FERMT1: variants seen among roughly 807,000 people sequenced by gnomAD.
FERMT1 encodes the protein FERM domain containing kindlin 1.
Under a neutral mutation model 85.3 loss-of-function variants are expected in FERMT1, and 60 were observed. The ratio of observed to expected loss-of-function variants is 0.70; its 90% confidence interval spans 0.57 to 0.87. The LOEUF (loss-of-function observed/expected upper bound fraction) is 0.87, where lower values mean the gene tolerates loss of function less well. Ranked by LOEUF, FERMT1 falls within the 40% of genes least tolerant of loss-of-function variation. The pLI is 0.00. For synonymous variants in FERMT1, 275 were observed against 301.1 expected, an observed-to-expected ratio of 0.91 and a Z score of 0.90; for missense variants, 701 against 818.9, an observed-to-expected ratio of 0.86 and a Z score of 1.76.
intron 6 of FERMT1, among the ~76,000 whole-genome samples, chr20:6,101,286 C>A (rs564885384): frequency 1.3e-5 from 2 of 152,140 alleles, no homozygotes; most frequent in African/African-American, 4.8e-5. Context: ...CAAGCACTTG[C>A]GAGATACTTT....
chr20:6,085,391 C>T, intron 11 of FERMT1, 104 bp from the exon 12 acceptor site: 1 of 973,744 alleles, frequency 1.0e-6, no homozygotes, highest in African/African-American at 1.6e-5. Flanking sequence ...AAAACCATCA[C>T]CTTCCAAGCA....
chr20:6,119,373 A>G, intron 2 of FERMT1, 31 bp downstream of exon 2: 3 of 1,608,638 alleles, frequency 1.9e-6, no homozygotes, highest in Non-Finnish European at 8.5e-7. Flanking sequence ...GGTTTCTAAT[A>G]CAGAGAAACC....
intron 3 of FERMT1, 24 bp downstream of exon 3, chr20:6,115,787 C>T: frequency 6.4e-7 from 1 of 1,555,574 alleles, no homozygotes; most frequent in Middle Eastern, 1.7e-4. Flanking sequence ...CTACAGGGCA[C>T]AGGGGCCTTT....
chr20:6,113,170 G>GT lies in FERMT1; in HGVS notation c.386-548dup, dbSNP rs370917716. On this transcript the variant is annotated intron_variant, in intron 3 of 14. Transcript: ENST00000217289. ...ATGAGATCTGATGGTTTTATAGGGT[G>GT]TTTCCCCGCACAAGCTCTCTCTTTG... Among the ~76,000 whole-genome samples the GT allele has an allele frequency of 3.9e-3, 588 of 152,256 alleles. 2 individuals carry two copies. The highest frequency in any genetic ancestry group is 0.014 in the African/African-American group (572 of 41,544).
intron 9 of FERMT1, among the ~76,000 whole-genome samples, chr20:6,091,422 G>A (rs1246671249): frequency 6.6e-6 from 1 of 151,582 alleles, no homozygotes; most frequent in East Asian, 2.0e-4. Context: ...TAGAGCTGGG[G>A]TTTCATCATG....
intron 9 of FERMT1, among the ~76,000 whole-genome samples, chr20:6,093,529 AT>A (rs1568657722): frequency 2.0e-5 from 3 of 152,180 alleles, no homozygotes; most frequent in South Asian, 2.1e-4. Flanking sequence ...GTGGCAACTC[AT>A]TTTTTTGTGG....
chr20:6,103,091 G>T (rs1237490439), intron 6 of FERMT1, among the ~76,000 whole-genome samples: 1 of 151,928 alleles, frequency 6.6e-6, no homozygotes, highest in Non-Finnish European at 1.5e-5. Context: ...AGGGGCAAAA[G>T]GTATGTGATA....
In FERMT1 at chr20:6,076,778, C is replaced by T; in HGVS notation, c.*395G>A. The T allele has an allele frequency of 5.9e-6, 2 of 340,576 alleles. No homozygotes were observed. The highest frequency in any genetic ancestry group is 2.6e-5 in the South Asian group (1 of 38,978). 21.1% of individuals were successfully genotyped at this position (340,576 alleles called of 1,614,324 possible). ...GTTTGTGAAATAAGAGTTGTTCTTG[C>T]TACACGTGATTTTTACCTTTCTGTC... On this transcript the variant is annotated 3_prime_UTR_variant, in exon 15 of 15. Transcript: ENST00000217289.
In FERMT1 at chr20:6,085,262, G is replaced by A. The variant is rs777735943; in HGVS notation, c.1397C>T (p.Ala466Val). 1.2e-5 allele frequency: 20 copies of A among 1,613,680 alleles called. No individual in the cohort carries two copies. The highest frequency in any genetic ancestry group is 3.4e-4 in the Middle Eastern group (2 of 5,822). Residue 466 changes from alanine (A) to valine (V), a missense_variant, in exon 12 of 15, where the codon GCT becomes GTT. By Grantham distance (64) the Ala-to-Val change is moderately conservative (BLOSUM62 0). Coordinates refer to ENST00000217289, the MANE Select transcript of FERMT1 (RefSeq NM_017671.5). The stretch of plus-strand genomic sequence containing the variant: ...GCCCTTCGATGCCAACATGCAGGCA[G>A]CCATCCATTGGGCGTATTGATTCTC... ...DHENQYAQWM[A>V]ACMLASKGKT...
chr20:6,091,637 G>T (rs889295568), intron 9 of FERMT1, among the ~76,000 whole-genome samples: 3 of 152,130 alleles, frequency 2.0e-5, no homozygotes, highest in East Asian at 1.9e-4. Flanking sequence ...AGGTAATAAG[G>T]TCTTGGTTTA....
At chr20:6,083,830 T>G (rs1011135192) in intron 13 of FERMT1, among the ~76,000 whole-genome samples, 1 of 152,118 alleles carries the variant, frequency 6.6e-6, no homozygotes, top group African/African-American at 2.4e-5. Flanking sequence ...CTTTCCCACA[T>G]TTAGCTGAGT....
At chr20:6,094,849 G>T in intron 9 of FERMT1, 90 bp downstream of exon 9, 1 of 817,926 alleles carries the variant, frequency 1.2e-6, no homozygotes, top group Non-Finnish European at 2.2e-6. Flanking sequence ...CCATGAACCT[G>T]CCTCAGGGAT....
At chr20:6,096,280 C>A (rs1208747782) in intron 8 of FERMT1, among the ~76,000 whole-genome samples, 11 of 152,122 alleles carry the variant, frequency 7.2e-5, no homozygotes, top group Admixed American at 7.2e-4. Context: ...AATCTCAACA[C>A]TTTGGGATGC....
In FERMT1 at chr20:6,089,057, T is replaced by C; in HGVS notation, c.1172A>G (p.Gln391Arg). The change falls in exon 10 of 15, where the codon CAA (glutamine) becomes CGA (arginine). Residue 391 changes from glutamine to arginine, a missense_variant. Transcript: ENST00000217289. Reference sequence around the variant, plus strand: ...TGTGTCTTTAAAGATAAACCAATATTGTTTGAAAGCTTTTGGTAGTAACTT... The same window carrying C: ...TGTGTCTTTAAAGATAAACCAATATCGTTTGAAAGCTTTTGGTAGTAACTT... ...PKKLLPKAFKQYWFIFKDTSI... is the reference protein window; with the variant it reads ...PKKLLPKAFKRYWFIFKDTSI... 1.2e-6 allele frequency: 2 copies of C among 1,612,514 alleles called. No individual in the cohort carries two copies. The highest frequency in any genetic ancestry group is 1.7e-6 in the Non-Finnish European group (2 of 1,178,764).
chr20:6,093,812 C>A (rs1431583987), intron 9 of FERMT1, among the ~76,000 whole-genome samples: 1 of 152,102 alleles, frequency 6.6e-6, no homozygotes, highest in Non-Finnish European at 1.5e-5. Context: ...AAAATGTAGC[C>A]AGGCGTGATG....
intron 1 of FERMT1, among the ~76,000 whole-genome samples, chr20:6,119,947 A>C (rs569523609): frequency 1.3e-5 from 2 of 152,160 alleles, no homozygotes; most frequent in African/African-American, 4.8e-5. Context: ...TTATCTTTTA[A>C]AGAAATCAAT....
rs1348986753 is a variant in FERMT1, at chr20:6,110,411, CA to C, written c.632del (p.Leu211Ter). 6.2e-7 allele frequency: 1 copy of C among 1,613,986 alleles called. No individual in the cohort carries two copies. The highest frequency in any genetic ancestry group is 1.7e-5 in the Admixed American group (1 of 60,004). On this transcript the variant is annotated frameshift_variant, in exon 5 of 15. Coordinates refer to ENST00000217289, the MANE Select transcript of FERMT1 (RefSeq NM_017671.5). LOFTEE classifies it high-confidence loss of function. The stretch of plus-strand genomic sequence containing the variant: ...CGAGGATGCTGCAGTTTTGTTCCGT[CA>C]AAGGGCTGTCACTGAACCAAGTCAT... ...STMTWFSDSP[L>X]TEQNCSILAF...
Position 6,085,258 on chromosome 20 carries a change from G to A in FERMT1, c.1401C>T (p.Ala467=). 6.2e-7 allele frequency: 1 copy of A among 1,613,894 alleles called. No individual in the cohort carries two copies. Among genetic ancestry groups the A allele is most frequent in the East Asian group, 2.2e-5 (1 of 44,880 alleles). The change falls in exon 12 of 15, where the codon GCC becomes GCT. Residue 467 remains alanine (A), a synonymous_variant. Transcript: ENST00000217289. ...HENQYAQWMA[A]CMLASKGKTM... is the part of the protein sequence containing the mutation. The stretch of plus-strand genomic sequence containing the variant: ...TTTTGCCCTTCGATGCCAACATGCA[G>A]GCAGCCATCCATTGGGCGTATTGAT...
rs114098572 is a variant in FERMT1 at position 6,104,205 on chromosome 20, T to C, written c.849+3327A>G. ...ATTTTTGAAATGTTGAATTCTAGCA[T>C]TTTACGTATCTGAGATTTTAATCAG... On this transcript the variant is annotated intron_variant, in intron 6 of 14. Transcript: ENST00000217289. This position sits in a 1 kb window ranked among gnomAD's most constrained non-coding sequence, Gnocchi z 4.2. Among the ~76,000 whole-genome samples, 282 of 152,220 alleles carry C rather than the reference T, an allele frequency of 1.9e-3. 1 individual carries two copies. Among genetic ancestry groups the C allele is most frequent in the African/African-American group, 6.7e-3 (277 of 41,564 alleles).
Sources: allele counts gnomAD v4.1 joint callset (sites outside exome capture counted in the v4.1 genomes callset), GRCh38; gene constraint gnomAD v4.1.1; non-coding constraint Gnocchi (gnomAD v3.1); transcripts MANE v1.5; gene names NCBI Gene and HGNC (gene_info 2026-07-23, HGNC 2026-07-21).